The following ASAH1 variants were observed in gnomAD, a reference collection of about 807,000 sequenced individuals.
The protein encoded by ASAH1 is acid ceramidase.
A neutral mutation model predicts 59.5 loss-of-function variants in ASAH1; 70 were observed. That is an observed-to-expected ratio of 1.18 (90% CI 0.97 to 1.43). The LOEUF (loss-of-function observed/expected upper bound fraction) is 1.43, where lower values mean the gene tolerates loss of function less well. ASAH1 is among the 40% of genes most tolerant of loss of function. The probability of loss-of-function intolerance (pLI) is 0.00; values close to 1 mark genes in which losing one functional copy is unlikely to be tolerated. For synonymous variants in ASAH1, 213 were observed against 166.5 expected (o/e 1.28, Z -2.15); for missense variants, 660 against 482.5 (o/e 1.37, Z -3.45).
chr8:18,084,481 A>G, upstream of ASAH1: 1 of 1,318,024 alleles, frequency 7.6e-7, no homozygotes. Context: ...CTCGGTACCC[A>G]CGAAACGGAT....
In ASAH1 at chr8:18,057,046, A is replaced by G. The variant is rs1799497179; in HGVS notation, c.*488T>C. ...TATATCGCTGTCAATAACAGCAAAG[A>G]TAATGATATATTAATTTTAACAGCA... On this transcript the variant is annotated 3_prime_UTR_variant, in exon 14 of 14. Coordinates refer to ENST00000637790, the MANE Select transcript of ASAH1 (RefSeq NM_177924.5). 1 of 169,770 alleles carries G rather than the reference A, an allele frequency of 5.9e-6. No individual in the cohort carries two copies. Among genetic ancestry groups the G allele is most frequent in the South Asian group, 1.4e-4 (1 of 7,078 alleles). The allele number at this position is 169,770 out of a possible 1,614,324, so 10.5% of individuals were successfully genotyped here.
At chr8:18,071,739 G>C (rs1371130377) in intron 2 of ASAH1, among the ~76,000 whole-genome samples, 7 of 151,844 alleles carry the variant, frequency 4.6e-5, no homozygotes, top group African/African-American at 1.7e-4. Flanking sequence ...CAAAGATTTA[G>C]TCTGGGCTCT....
At chr8:18,084,661 C>A (rs759853049), upstream of ASAH1, 5 of 1,613,266 alleles carry the variant, frequency 3.1e-6, no homozygotes, top group Admixed American at 5.0e-5. Flanking sequence ...GTCCTCCAAG[C>A]TGTTGGTTAC....
In ASAH1 at chr8:18,084,037, C is replaced by T; in HGVS notation, c.22G>A (p.Ala8Thr). 3 of 1,598,758 alleles carry T rather than the reference C, an allele frequency of 1.9e-6. No individual in the cohort carries two copies. Among genetic ancestry groups the T allele is most frequent in the Non-Finnish European group, 2.5e-6 (3 of 1,179,672 alleles). The change falls in exon 1 of 14, where the codon GCC (alanine) becomes ACC (threonine). Residue 8 changes from alanine (A) to threonine (T), a missense_variant. Ala to Thr is a moderately conservative substitution (Grantham distance 58). Transcript: ENST00000637790. Reference protein sequence around the residue: MPGRSCVALVLLAAAVSC... With the variant: MPGRSCVTLVLLAAAVSC... ...ACGGCGGCAGCCAGGAGGACTAAGG[C>T]GACGCAACTCCGGCCCGGCATCGCT...
At chr8:18,059,879 G>C in intron 10 of ASAH1, 176 bp from the exon 11 acceptor site, 1 of 602,966 alleles carries the variant, frequency 1.7e-6, no homozygotes, top group South Asian at 2.1e-5. Flanking sequence ...CATCATCTAA[G>C]TTTCAAGCCC....
intron 1 of ASAH1, among the ~76,000 whole-genome samples, chr8:18,081,562 C>T (rs1800655342): frequency 6.6e-6 from 1 of 152,162 alleles, no homozygotes; most frequent in Admixed American, 6.5e-5. Context: ...GTGCCACTGT[C>T]TTCACCATCA....
At chr8:18,073,252 C>T (rs762013103) in intron 2 of ASAH1, 1 of 1,576,584 alleles carries the variant, frequency 6.3e-7, no homozygotes, top group Non-Finnish European at 8.7e-7. Flanking sequence ...AAAAGAGTAT[C>T]CACCTTATAA....
At chr8:18,077,604 T>C (rs1800465172) in intron 1 of ASAH1, among the ~76,000 whole-genome samples, 1 of 152,126 alleles carries the variant, frequency 6.6e-6, no homozygotes, top group African/African-American at 2.4e-5. Context: ...ACATGCTTTG[T>C]TCTTTAATTG....
intron 10 of ASAH1, chr8:18,060,704 G>A (rs1416641004): frequency 1.3e-5 from 2 of 152,182 alleles, no homozygotes; most frequent in African/African-American, 4.8e-5. Context: ...TCTATACCAA[G>A]GCAAGATATA....
upstream of ASAH1, chr8:18,084,159 C>T (rs139001299): frequency 0.028 from 43,572 of 1,557,820 alleles, 723 homozygotes; most frequent in Non-Finnish European, 0.032. Context: ...TGACCCGCGA[C>T]CTGGGACCGC....
At chr8:18,080,349 A>C (rs1800600003) in intron 1 of ASAH1, among the ~76,000 whole-genome samples, 1 of 152,186 alleles carries the variant, frequency 6.6e-6, no homozygotes, top group South Asian at 2.1e-4. Context: ...TATTACGCAG[A>C]GCAGCCATCT....
At position 18,059,480 on chromosome 8, in the gene ASAH1, G is replaced by T. The variant is rs1281230398; in HGVS notation, c.918-16C>A. ...AGCATCGAGTCTAGATACAAAAGGA[G>T]AGATTCCCTCTTAGGCTACATGCCT... On this transcript the variant is annotated splice_polypyrimidine_tract_variant and intron_variant, in intron 11 of 13. Transcript: ENST00000637790. The T allele has an allele frequency of 1.9e-6, 3 of 1,614,158 alleles. No homozygotes were observed. Among genetic ancestry groups the T allele is most frequent in the African/African-American group, 1.3e-5 (1 of 75,060 alleles).
At chr8:18,069,209 G>T (rs1264462903) in intron 4 of ASAH1, among the ~76,000 whole-genome samples, 1 of 151,018 alleles carries the variant, frequency 6.6e-6, no homozygotes, top group Non-Finnish European at 1.5e-5. Context: ...GCCATCAAGA[G>T]CAATGAGGAT....
chr8:18,060,652 G>C (rs1799654497), intron 10 of ASAH1: 1 of 152,320 alleles, frequency 6.6e-6, no homozygotes, highest in East Asian at 1.9e-4. Flanking sequence ...TGGACGCAGT[G>C]CTGGCTGAAT....
At position 18,057,566 on chromosome 8, in the gene ASAH1, G is replaced by A. The variant is rs773025886; in HGVS notation, c.1156C>T (p.Arg386Trp). The A allele has an allele frequency of 8.1e-6, 13 of 1,603,482 alleles. No individual in the cohort carries two copies. The highest frequency in any genetic ancestry group is 2.3e-5 in the East Asian group (1 of 44,260). ...CCTATACAAGGGTCAGGGCAGTCCC[G>A]CAGGTAAGTTTCGAATTGACCTTTG... ...VTKGQFETYL[R>W]DCPDPCIGW Residue 386 changes from arginine (R) to tryptophan (W), a missense_variant, in exon 14 of 14, where the codon CGG (arginine) becomes TGG (tryptophan). Arg to Trp is a moderately radical substitution (Grantham distance 101, BLOSUM62 -3). Transcript: ENST00000637790.
At chr8:18,084,646 C>T, upstream of ASAH1, 1 of 1,612,598 alleles carries the variant, frequency 6.2e-7, no homozygotes, top group Non-Finnish European at 8.5e-7. Context: ...ATCGAATCCA[C>T]TCGGGTCCTC....
intron 3 of ASAH1, among the ~76,000 whole-genome samples, chr8:18,070,721 A>T (rs954097286): frequency 1.3e-5 from 2 of 152,254 alleles, no homozygotes; most frequent in African/African-American, 4.8e-5. Context: ...CAAAGGCTAC[A>T]GAGGAATGAC....
intron 8 of ASAH1, chr8:18,061,983 G>T: frequency 1.6e-6 from 1 of 622,230 alleles, no homozygotes; most frequent in Non-Finnish European, 2.8e-6. Context: ...GGCAGAGAAT[G>T]AACGCCTGAC....
intron 2 of ASAH1, chr8:18,073,389 T>A (rs1800255652): frequency 1.8e-6 from 2 of 1,090,490 alleles, no homozygotes; most frequent in African/African-American, 3.1e-5. Context: ...TATCATTTCA[T>A]CATTTTTGAG....
Sources: gnomAD v4.1 joint callset for allele counts (sites outside exome capture counted in the v4.1 genomes callset) on GRCh38, gnomAD v4.1.1 for gene constraint, MANE v1.5 for transcripts, NCBI Gene and HGNC (gene_info 2026-07-23, HGNC 2026-07-21) for gene names.